Variants in ZNF724 observed in about 807,000 individuals in gnomAD.
ZNF724 encodes zinc finger protein 724.
ZNF724 carries 14 observed loss-of-function variants against 29.3 expected under a neutral mutation model. That is an observed-to-expected ratio of 0.48 (90% CI 0.32 to 0.75). ZNF724 has a LOEUF of 0.75. Among genes scored for constraint, ZNF724 ranks in the 30% least tolerant of loss-of-function variants. ZNF724 has a pLI of 0.04. For synonymous variants in ZNF724, 180 were observed against 193.6 expected (o/e 0.93, Z 0.58); for missense variants, 557 against 571.2 (o/e 0.98, Z 0.25).
chr19:23,224,609 A>T (rs554955146), intron 3 of ZNF724, among the ~76,000 whole-genome samples: 21 of 152,220 alleles, frequency 1.4e-4, no homozygotes, highest in African/African-American at 4.8e-4. Context: ...AAAGTCTGTT[A>T]TATTTACCTA....
At position 23,223,323 on chromosome 19, in the gene ZNF724, T is replaced by C; in HGVS notation, c.922A>G (p.Lys308Glu). The C allele has an allele frequency of 1.3e-6, 1 of 769,916 alleles. No individual in the cohort carries two copies. The highest frequency in any genetic ancestry group is 2.4e-6 in the Non-Finnish European group (1 of 415,088). The allele number at this position is 769,916 out of a possible 1,614,324, so 47.7% of individuals were successfully genotyped here. A position where few individuals can be genotyped will look rare whatever the true frequency, so the allele number is the denominator to read the frequency against. ...TRHKIIHAGE[K>E]PYICEHCGRA... ...CCACAATGTTCACATATGTAGGGCT[T>C]CTCTCCAGCATGAATTATCTTATGT... Residue 308 changes from lysine to glutamate, a missense_variant, in exon 4 of 4, where the codon AAG becomes GAG. By Grantham distance (56) the Lys-to-Glu change is moderately conservative (BLOSUM62 1). Transcript: ENST00000418100.
intron 1 of ZNF724, among the ~76,000 whole-genome samples, chr19:23,240,623 A>G (rs1230003250): frequency 6.6e-6 from 1 of 151,834 alleles, no homozygotes; most frequent in African/African-American, 2.4e-5. Flanking sequence ...CAGCAGATTT[A>G]AGCACATAAT....
intron 3 of ZNF724, among the ~76,000 whole-genome samples, chr19:23,224,311 G>T (rs953380464): frequency 6.6e-6 from 1 of 152,100 alleles, no homozygotes; most frequent in Non-Finnish European, 1.5e-5. Context: ...TACTCAGGAG[G>T]CTGAGGCAGA....
chr19:23,231,298 A>C lies in ZNF724; in HGVS notation c.194T>G (p.Met65Arg). Reference sequence around the variant, plus strand: ...TTTGGCCACCATCTCATGTCTCTCCATATTCCAGGGCTCTTTGCCTTGCTC... The same window carrying C: ...TTTGGCCACCATCTCATGTCTCTCCCTATTCCAGGGCTCTTTGCCTTGCTC... ...CLEQGKEPWN[M>R]ERHEMVAKPP... The change falls in exon 3 of 4, where the codon ATG (methionine) becomes AGG (arginine). Residue 65 changes from methionine (M) to arginine (R), a missense_variant. Physicochemically the swap from Met to Arg is moderately conservative, Grantham distance 91 (BLOSUM62 -1). Coordinates refer to ENST00000418100, the MANE Select transcript of ZNF724 (RefSeq NM_001355404.2). 1 of 1,380,084 alleles carries C rather than the reference A, an allele frequency of 7.2e-7. No homozygotes were observed. Among genetic ancestry groups the C allele is most frequent in the Non-Finnish European group, 1.0e-6 (1 of 969,410 alleles). 85.5% of individuals were successfully genotyped at this position (1,380,084 alleles called of 1,614,324 possible).
At chr19:23,224,713 T>TG (rs1488629441) in intron 3 of ZNF724, among the ~76,000 whole-genome samples, 2 of 41,032 alleles carry the variant, frequency 4.9e-5, no homozygotes, top group African/African-American at 1.5e-4. Context: ...CCCAACACTT[T>TG]GGCGTGCCGG....
intron 3 of ZNF724, among the ~76,000 whole-genome samples, chr19:23,229,865 T>C (rs1971904695): frequency 6.6e-6 from 1 of 152,226 alleles, no homozygotes; most frequent in African/African-American, 2.4e-5. Context: ...TCAATGCTTC[T>C]ATTTTAAAAT....
intron 3 of ZNF724, among the ~76,000 whole-genome samples, chr19:23,230,427 C>A (rs551043093): frequency 6.6e-6 from 1 of 151,950 alleles, no homozygotes; most frequent in Non-Finnish European, 1.5e-5. Context: ...TGAAAGCAAT[C>A]TTGAGGAAAA....
At chr19:23,241,400 A>G (rs992192282) in intron 1 of ZNF724, among the ~76,000 whole-genome samples, 6 of 122,818 alleles carry the variant, frequency 4.9e-5, no homozygotes, top group African/African-American at 1.8e-4. Context: ...ATTATATAAT[A>G]GCATCATTCT....
chr19:23,248,136 T>A (rs961431498), intron 1 of ZNF724, among the ~76,000 whole-genome samples: 2 of 152,202 alleles, frequency 1.3e-5, no homozygotes, highest in African/African-American at 2.4e-5. Context: ...AGATATTTTT[T>A]AAAATACAGT....
chr19:23,234,302 A>G (rs1290700340), intron 1 of ZNF724, among the ~76,000 whole-genome samples: 2 of 152,238 alleles, frequency 1.3e-5, no homozygotes, highest in African/African-American at 4.8e-5. Context: ...TGAAGAAGGC[A>G]CAAGTAAAGG....
chr19:23,231,604 C>T (rs1160647004), intron 2 of ZNF724, among the ~76,000 whole-genome samples: 1 of 152,016 alleles, frequency 6.6e-6, no homozygotes, highest in Non-Finnish European at 1.5e-5. Flanking sequence ...TTTTATGCCA[C>T]TAAATTTCTG....
Position 23,222,633 on chromosome 19 carries a change from C to A in ZNF724, c.1612G>T (p.Glu538Ter). Residue 538 changes from glutamate (E) to a stop codon, truncating the protein, a stop_gained, in exon 4 of 4, where the codon GAA becomes TAA. Coordinates refer to ENST00000418100, the MANE Select transcript of ZNF724 (RefSeq NM_001355404.2). LOFTEE classifies it high-confidence loss of function. ...HAGEKPYKCE[E>*]CGKAFYQYSN... ...TATTGGTAAAAAGCTTTGCCACATTCTTCACATTTGTAGGGTTTCTCTCCA... is the reference window on the plus strand; with the variant it reads ...TATTGGTAAAAAGCTTTGCCACATTATTCACATTTGTAGGGTTTCTCTCCA... 7.3e-7 allele frequency: 1 copy of A among 1,361,402 alleles called. No individual in the cohort carries two copies. The highest frequency in any genetic ancestry group is 1.0e-6 in the Non-Finnish European group (1 of 953,718). 84.3% of individuals were successfully genotyped at this position (1,361,402 alleles called of 1,614,324 possible).
intron 1 of ZNF724, among the ~76,000 whole-genome samples, chr19:23,235,082 G>A (rs1972002582): frequency 2.0e-5 from 3 of 152,094 alleles, no homozygotes; most frequent in Admixed American, 2.0e-4. Flanking sequence ...GAATAAGTCT[G>A]CACTTCGAAA....
Position 23,242,239 on chromosome 19 carries a change from T to C in ZNF724, c.3+8001A>G, listed in dbSNP as rs146631542. 5.1e-3 allele frequency among the ~76,000 whole-genome samples: 775 copies of C among 152,106 alleles called. 8 individuals carry two copies. The highest frequency in any genetic ancestry group is 0.018 in the African/African-American group (727 of 41,520). On this transcript the variant is annotated intron_variant, in intron 1 of 3. Transcript: ENST00000418100. ...AGAAGTCAGAGATGACACAAACAAATGCAAACTATTTGATGGTCATGGACA... is the reference window on the plus strand; with the variant it reads ...AGAAGTCAGAGATGACACAAACAAACGCAAACTATTTGATGGTCATGGACA...
At chr19:23,235,407 T>C (rs1218572270) in intron 1 of ZNF724, among the ~76,000 whole-genome samples, 3 of 152,220 alleles carry the variant, frequency 2.0e-5, no homozygotes, top group Admixed American at 2.0e-4. Flanking sequence ...TGTTTGTGAC[T>C]TGTGGAGCAA....
At chr19:23,224,759 A>G (rs1368081205) in intron 3 of ZNF724, among the ~76,000 whole-genome samples, 4 of 151,916 alleles carry the variant, frequency 2.6e-5, no homozygotes, top group Non-Finnish European at 5.9e-5. Flanking sequence ...GTTTGGAACC[A>G]CCCCGGCCAA....
At chr19:23,244,020 T>C (rs528848429) in intron 1 of ZNF724, among the ~76,000 whole-genome samples, 4 of 152,136 alleles carry the variant, frequency 2.6e-5, no homozygotes, top group South Asian at 2.1e-4. Context: ...TACATCAAAC[T>C]TTCATGACAC....
At chr19:23,224,781 C>T (rs111654511) in intron 3 of ZNF724, among the ~76,000 whole-genome samples, 1 of 152,006 alleles carries the variant, frequency 6.6e-6, no homozygotes, top group Non-Finnish European at 1.5e-5. Context: ...ATGGCGAAAC[C>T]CCGTCTCTAC....
chr19:23,225,642 T>C (rs1971813692), intron 3 of ZNF724, among the ~76,000 whole-genome samples: 2 of 151,972 alleles, frequency 1.3e-5, no homozygotes, highest in Non-Finnish European at 2.9e-5. Flanking sequence ...CTTGTAAAAT[T>C]CTAAGATAAA....
Sources: allele counts gnomAD v4.1 joint callset (sites outside exome capture counted in the v4.1 genomes callset), GRCh38; gene constraint gnomAD v4.1.1; transcripts MANE v1.5; gene names NCBI Gene and HGNC (gene_info 2026-07-23, HGNC 2026-07-21).